XXYLT1: variants seen among roughly 807,000 people sequenced by gnomAD.
The protein encoded by XXYLT1 is xyloside xylosyltransferase 1.
XXYLT1 carries 20 observed loss-of-function variants against 28.9 expected under a neutral mutation model. The observed-to-expected ratio is 0.69, with a 90% CI of 0.49 to 1.00. XXYLT1 has a LOEUF of 1.00. XXYLT1 is among the 50% of genes least tolerant of loss of function. The pLI is 0.00. For synonymous variants in XXYLT1, 257 were observed against 253.8 expected (o/e 1.01, Z -0.12); for missense variants, 542 against 560.1 (o/e 0.97, Z 0.33).
chr3:195,157,026 C>T (rs753420847), intron 2 of XXYLT1, among the ~76,000 whole-genome samples: 3 of 151,988 alleles, frequency 2.0e-5, no homozygotes, highest in Non-Finnish European at 2.9e-5. Flanking sequence ...GGGTAGATCA[C>T]GAGGTCAGGA....
chr3:195,226,734 G>A lies in XXYLT1; in HGVS notation c.627C>T (p.Val209=), dbSNP rs1468170691. 5.6e-6 allele frequency: 9 copies of A among 1,613,740 alleles called. No homozygotes were observed. The East Asian group carries it at 1.1e-4, about 20-fold the overall frequency. The stretch of plus-strand genomic sequence containing the variant: ...CTTTGGGCATGATCTGATGCATGGC[G>A]ACCGAGAGGAAGAAGATGGAGTCAC... ...YYSDSIFFLS[V]AMHQIMPKEI... The change falls in exon 2 of 4, where the codon GTC becomes GTT. Residue 209 remains valine (V), a synonymous_variant. Transcript: ENST00000310380.
intron 3 of XXYLT1, among the ~76,000 whole-genome samples, chr3:195,083,833 C>T (rs1308096571): frequency 6.6e-6 from 1 of 152,100 alleles, no homozygotes; most frequent in African/African-American, 2.4e-5. Context: ...TGAGACCAGC[C>T]CGGCCAACAC....
At chr3:195,081,574 G>A (rs1715436885) in intron 3 of XXYLT1, among the ~76,000 whole-genome samples, 2 of 152,182 alleles carry the variant, frequency 1.3e-5, no homozygotes, top group Non-Finnish European at 2.9e-5. Context: ...TCTGGGGGCA[G>A]ACAGTCCCAG....
chr3:195,101,993 G>T (rs1716811736), intron 3 of XXYLT1, among the ~76,000 whole-genome samples: 1 of 108,198 alleles, frequency 9.2e-6, no homozygotes, highest in African/African-American at 3.8e-5. Flanking sequence ...TGCGGGGAGG[G>T]AGGACAGAAA....
rs1560116943 is a variant in XXYLT1 at position 195,143,811 on chromosome 3, TATAGATATAG to T, written c.785+12628_785+12637del. On this transcript the variant is annotated intron_variant, in intron 3 of 3. Transcript: ENST00000310380. Reference sequence around the variant, plus strand: ...ATATATATATATATAGATAGATATATATAGATATAGATATATATAGATATAGATATAGATA... The same window carrying T: ...ATATATATATATATAGATAGATATATATATATATAGATATAGATATAGATA... 3.3e-4 allele frequency among the ~76,000 whole-genome samples: 31 copies of T among 95,010 alleles called. No homozygotes were observed. In the East Asian group the frequency reaches 3.8e-3, roughly 12 times the overall value. The allele number at this position is 95,010 out of a possible 152,430, so 62.3% of individuals were successfully genotyped here.
intron 2 of XXYLT1, among the ~76,000 whole-genome samples, chr3:195,194,356 A>C (rs1416055070): frequency 6.6e-6 from 1 of 152,098 alleles, no homozygotes; most frequent in East Asian, 1.9e-4. Flanking sequence ...AAGAAAATGC[A>C]AATTAAATGA....
chr3:195,140,630 G>GGAGAGAGAGTGA lies in XXYLT1; in HGVS notation c.785+15807_785+15818dup, dbSNP rs11276544. 4.0e-5 allele frequency among the ~76,000 whole-genome samples: 6 copies of GGAGAGAGAGTGA among 151,296 alleles called. No individual in the cohort carries two copies. In the South Asian group the frequency reaches 8.4e-4, roughly 21 times the overall value. ...GCAAGCACATCTGCACATGGCAGCAGGAGAGAGAGTGAGAGAGAGAGTGAG... is the reference window on the plus strand; with the variant it reads ...GCAAGCACATCTGCACATGGCAGCAGGAGAGAGAGTGAGAGAGAGAGTGAGAGAGAGAGTGAG... On this transcript the variant is annotated intron_variant, in intron 3 of 3. Coordinates refer to ENST00000310380, the MANE Select transcript of XXYLT1 (RefSeq NM_152531.5).
intron 2 of XXYLT1, among the ~76,000 whole-genome samples, chr3:195,192,608 A>G (rs549157055): frequency 2.6e-5 from 4 of 152,346 alleles, no homozygotes; most frequent in African/African-American, 9.6e-5. Context: ...CCAGGAATGC[A>G]TGGCTGGTAT....
intron 2 of XXYLT1, among the ~76,000 whole-genome samples, chr3:195,177,186 C>T (rs1332860616): frequency 3.3e-5 from 5 of 152,200 alleles, no homozygotes; most frequent in Admixed American, 6.5e-5. Flanking sequence ...AGTATTAACT[C>T]GCGTAGTTCT....
intron 3 of XXYLT1, among the ~76,000 whole-genome samples, chr3:195,136,672 G>A (rs926077630): frequency 2.0e-5 from 3 of 152,146 alleles, no homozygotes; most frequent in Non-Finnish European, 2.9e-5. Flanking sequence ...GTTGAGCACC[G>A]TTCAAGCACA....
intron 1 of XXYLT1, among the ~76,000 whole-genome samples, chr3:195,254,487 G>A (rs115271770): frequency 5.3e-5 from 8 of 152,340 alleles, no homozygotes; most frequent in Admixed American, 1.3e-4. Flanking sequence ...GCACGTCCAC[G>A]GGGCATAATT....
chr3:195,263,032 A>C (rs915316229), intron 1 of XXYLT1, among the ~76,000 whole-genome samples: 29 of 152,214 alleles, frequency 1.9e-4, no homozygotes, highest in African/African-American at 7.0e-4. Flanking sequence ...CTGCTGTGAC[A>C]AGCTGGAAAA....
intron 1 of XXYLT1, among the ~76,000 whole-genome samples, chr3:195,268,412 CAA>C (rs1389788819): frequency 6.8e-6 from 1 of 147,694 alleles, no homozygotes; most frequent in Non-Finnish European, 1.5e-5. Context: ...GCCTGGGCGA[CAA>C]GAGCAAAACT....
At chr3:195,109,639 T>G (rs929231893) in intron 3 of XXYLT1, among the ~76,000 whole-genome samples, 1 of 136,230 alleles carries the variant, frequency 7.3e-6, no homozygotes, top group Non-Finnish European at 1.6e-5. Context: ...GTCTGTGTGG[T>G]GTGTGTGGTG....
At position 195,103,360 on chromosome 3, in the gene XXYLT1, ACGC is replaced by A. The variant is rs1560095799; in HGVS notation, c.786-33252_786-33250del. On this transcript the variant is annotated intron_variant, in intron 3 of 3. Coordinates refer to ENST00000310380, the MANE Select transcript of XXYLT1 (RefSeq NM_152531.5). ...GCCAGCGACCTGCGTCCATCACCCC[ACGC>A]CAGCGGCCTGCGTCCATCACCCCAC... Among the ~76,000 whole-genome samples, 358 of 141,620 alleles carry A rather than the reference ACGC, an allele frequency of 2.5e-3. 5 individuals carry two copies. The highest frequency in any genetic ancestry group is 8.6e-3 in the African/African-American group (342 of 39,960). The allele number at this position is 141,620 out of a possible 152,430, so 92.9% of individuals were successfully genotyped here. A position where few individuals can be genotyped will look rare whatever the true frequency, so the allele number is the denominator to read the frequency against.
intron 2 of XXYLT1, among the ~76,000 whole-genome samples, chr3:195,177,031 C>G (rs963827840): frequency 6.6e-6 from 1 of 152,196 alleles, no homozygotes; most frequent in Non-Finnish European, 1.5e-5. Flanking sequence ...GCACTACCAG[C>G]CAGGGGTTAC....
intron 2 of XXYLT1, among the ~76,000 whole-genome samples, chr3:195,166,469 A>T (rs1420383481): frequency 3.9e-5 from 6 of 152,246 alleles, no homozygotes; most frequent in Non-Finnish European, 8.8e-5. Context: ...GAACAACAGT[A>T]CAACATCAAA....
At chr3:195,236,672 GT>G (rs58800207) in intron 1 of XXYLT1, among the ~76,000 whole-genome samples, 20,800 of 151,608 alleles carry the variant, frequency 0.14, 3,087 homozygotes, top group African/African-American at 0.37. Context: ...GTCTCTCCTC[GT>G]TAACCACCAC....
At chr3:195,212,809 G>A (rs891859240) in intron 2 of XXYLT1, among the ~76,000 whole-genome samples, 1 of 152,160 alleles carries the variant, frequency 6.6e-6, no homozygotes, top group Admixed American at 6.5e-5. Flanking sequence ...CAAAGGCTGA[G>A]GACTGCTGTT....
Sources: gnomAD v4.1 joint callset for allele counts (sites outside exome capture counted in the v4.1 genomes callset) on GRCh38, gnomAD v4.1.1 for gene constraint, MANE v1.5 for transcripts, NCBI Gene and HGNC (gene_info 2026-07-23, HGNC 2026-07-21) for gene names.